Variants in TTC39A observed in about 807,000 individuals in gnomAD.
The protein encoded by TTC39A is tetratricopeptide repeat domain 39A, also known as tetratricopeptide repeat protein 39A.
In TTC39A, 46 loss-of-function variants were observed where a neutral mutation model predicts 82.3. The ratio of observed to expected loss-of-function variants is 0.56; its 90% CI spans 0.44 to 0.71. The LOEUF is 0.71. TTC39A is among the 30% of genes least tolerant of loss of function. The pLI, the probability that TTC39A is intolerant of heterozygous loss-of-function variation, is 0.00. For synonymous variants in TTC39A, 254 were observed against 275.2 expected, an observed-to-expected ratio of 0.92 and a Z score of 0.76; for missense variants, 543 against 712.9, an observed-to-expected ratio of 0.76 and a Z score of 2.71.
chr1:51,327,375 A>G (rs1052870939), intron 1 of TTC39A, among the ~76,000 whole-genome samples: 1 of 152,220 alleles, frequency 6.6e-6, no homozygotes, highest in African/African-American at 2.4e-5. Context: ...CTAAATTGCA[A>G]AAATGATTGT....
chr1:51,324,523 T>A (rs1012355509), intron 1 of TTC39A, among the ~76,000 whole-genome samples: 1 of 152,078 alleles, frequency 6.6e-6, no homozygotes, highest in Non-Finnish European at 1.5e-5. Flanking sequence ...TGAATTATTT[T>A]ATTTATTTAT....
chr1:51,311,144 G>C lies in TTC39A; in HGVS notation c.423+110C>G, dbSNP rs993881500. On this transcript the variant is annotated intron_variant, in intron 5 of 17. Transcript: ENST00000680483. ...ACACGATTGCTACAGGGGATGAGTCGTGGTTGCTATGGGGGATGGGTCACA... is the reference window on the plus strand; with the variant it reads ...ACACGATTGCTACAGGGGATGAGTCCTGGTTGCTATGGGGGATGGGTCACA... 5 of 1,040,098 alleles carry C rather than the reference G, an allele frequency of 4.8e-6. No homozygotes were observed. The Admixed American group carries it at 1.2e-4, about 25-fold the overall frequency. The allele number at this position is 1,040,098 out of a possible 1,614,324, so 64.4% of individuals were successfully genotyped here. A position where few individuals can be genotyped will look rare whatever the true frequency, so the allele number is the denominator to read the frequency against.
intron 1 of TTC39A, among the ~76,000 whole-genome samples, chr1:51,341,339 A>G (rs1646034296): frequency 6.6e-6 from 1 of 152,100 alleles, no homozygotes; most frequent in African/African-American, 2.4e-5. Flanking sequence ...GCATTAGGAG[A>G]GAATGGAGCT....
intron 1 of TTC39A, among the ~76,000 whole-genome samples, chr1:51,328,538 A>G (rs1402550408): frequency 6.6e-6 from 1 of 152,236 alleles, no homozygotes; most frequent in Non-Finnish European, 1.5e-5. Context: ...TATTTTTAAG[A>G]CTTACACACA....
upstream of TTC39A, chr1:51,330,689 G>A (rs1324600940): frequency 1.1e-6 from 1 of 922,990 alleles, no homozygotes; most frequent in Non-Finnish European, 1.3e-6. This position sits in a 1 kb window ranked among gnomAD's most constrained non-coding sequence, Gnocchi z 4.5. Flanking sequence ...CCGCGCTCCC[G>A]CACCGCCGGG....
chr1:51,331,178 G>A (rs866742194), upstream of TTC39A: 2 of 1,547,342 alleles, frequency 1.3e-6, no homozygotes, highest in African/African-American at 2.7e-5. Flanking sequence ...GCTAGGACTG[G>A]AATCCATCCC....
At chr1:51,334,083 G>A (rs1461886737), upstream of TTC39A, among the ~76,000 whole-genome samples, 2 of 151,748 alleles carry the variant, frequency 1.3e-5, no homozygotes, top group Non-Finnish European at 2.9e-5. Context: ...TATAAGCTGA[G>A]CATGGTGGCT....
chr1:51,327,257 C>G (rs528818115), intron 1 of TTC39A, among the ~76,000 whole-genome samples: 1 of 152,336 alleles, frequency 6.6e-6, no homozygotes, highest in Admixed American at 6.5e-5. Flanking sequence ...AGGAAGCCAA[C>G]TGCAGTCAGA....
intron 5 of TTC39A, 28 bp from the exon 6 acceptor site, chr1:51,309,353 T>C (rs763078284): frequency 6.2e-7 from 1 of 1,612,578 alleles, no homozygotes; most frequent in African/African-American, 1.3e-5. Flanking sequence ...GCTGACGGCC[T>C]GGCCCAGGTG....
rs933534340 is a variant in TTC39A, at chr1:51,330,195, G to C, written c.41+242C>G. On this transcript the variant is annotated intron_variant, in intron 1 of 17. Coordinates refer to ENST00000680483, the MANE Select transcript of TTC39A (RefSeq NM_001297663.2). The surrounding 1 kb of genome is among the most constrained non-coding windows in gnomAD (Gnocchi z 4.5). ...CGTGTCTGTGACTACAGCTCCGTGA[G>C]AAAGTTGGGACCCAGAAGGTGAGTG... is the stretch of plus-strand genomic sequence containing the variant. 16 of 985,466 alleles carry C rather than the reference G, an allele frequency of 1.6e-5. No homozygotes were observed. In the African/African-American group the frequency reaches 2.8e-4, roughly 17 times the overall value. The allele number at this position is 985,466 out of a possible 1,614,324, so 61.0% of individuals were successfully genotyped here.
At chr1:51,337,284 A>T (rs1288579128) in intron 1 of TTC39A, among the ~76,000 whole-genome samples, 2 of 151,866 alleles carry the variant, frequency 1.3e-5, no homozygotes, top group African/African-American at 4.8e-5. Context: ...TATGCCAGGC[A>T]CATTCCCACC....
intron 1 of TTC39A, among the ~76,000 whole-genome samples, chr1:51,339,544 G>A (rs184565530): frequency 3.5e-4 from 53 of 152,292 alleles, no homozygotes; most frequent in African/African-American, 1.2e-3. Context: ...CTACAGGAAG[G>A]CTCCTTCCAG....
chr1:51,344,947 G>A, intron 1 of TTC39A: 5 of 1,524,394 alleles, frequency 3.3e-6, no homozygotes, highest in Non-Finnish European at 4.4e-6. Context: ...CGGCCCCTTG[G>A]TCCCGTCCGC....
At chr1:51,318,029 C>T (rs1645358289) in intron 2 of TTC39A, among the ~76,000 whole-genome samples, 1 of 152,192 alleles carries the variant, frequency 6.6e-6, no homozygotes, top group Non-Finnish European at 1.5e-5. Context: ...AGGACCCAGG[C>T]ACAGCCACAG....
chr1:51,293,066 A>AT (rs566400161), intron 14 of TTC39A, among the ~76,000 whole-genome samples: 2,995 of 130,546 alleles, frequency 0.023, 85 homozygotes, highest in African/African-American at 0.062. Context: ...GCTTTACTGT[A>AT]TTTTTTTTTT....
At chr1:51,338,577 C>T (rs1004249431) in intron 1 of TTC39A, among the ~76,000 whole-genome samples, 1 of 146,862 alleles carries the variant, frequency 6.8e-6, no homozygotes, top group East Asian at 2.0e-4. Flanking sequence ...CCGAGTGCAG[C>T]GCTGTCGAGT....
intron 6 of TTC39A, among the ~76,000 whole-genome samples, chr1:51,308,766 AGCACGTGCAT>A (rs1004905520): frequency 3.9e-5 from 6 of 152,082 alleles, no homozygotes; most frequent in African/African-American, 1.4e-4. Context: ...GCCTGCAGAG[AGCACGTGCAT>A]GCACGTGTGT....
intron 1 of TTC39A, among the ~76,000 whole-genome samples, chr1:51,327,699 A>AT (rs558622704): frequency 0.049 from 6,735 of 138,498 alleles, 283 homozygotes; most frequent in African/African-American, 0.12. Flanking sequence ...ATGTATTGCC[A>AT]TTTTTTTTTT....
rs976807756 is a variant in TTC39A, at chr1:51,312,204, G to T, written c.279-9C>A. On this transcript the variant is annotated splice_polypyrimidine_tract_variant and intron_variant, in intron 3 of 17. Coordinates refer to ENST00000680483, the MANE Select transcript of TTC39A (RefSeq NM_001297663.2). ...AAGACTTCCTCCGGTGCCTGAAGAG[G>T]AAAAAGAGGGGCCTCAGGTGAGGAT... 3 of 1,599,804 alleles carry T rather than the reference G, an allele frequency of 1.9e-6. No individual in the cohort carries two copies. The highest frequency in any genetic ancestry group is 1.3e-5 in the African/African-American group (1 of 74,626).
Sources: allele counts gnomAD v4.1 joint callset (sites outside exome capture counted in the v4.1 genomes callset), GRCh38; gene constraint gnomAD v4.1.1; non-coding constraint Gnocchi (gnomAD v3.1); transcripts MANE v1.5; gene names NCBI Gene and HGNC (gene_info 2026-07-23, HGNC 2026-07-21).